The following MDFIC2 variants were observed in gnomAD, a reference collection of about 807,000 sequenced individuals.
MDFIC2 encodes myoD family inhibitor domain-containing protein 2.
intron 2 of MDFIC2, among the ~76,000 whole-genome samples, chr3:70,282,681 T>C (rs113699884): frequency 0.011 from 1,639 of 152,302 alleles, 20 homozygotes; most frequent in Non-Finnish European, 0.016. Flanking sequence ...TGCTGCCAAA[T>C]AAGAGAGGCC....
chr3:70,224,775 G>T (rs998834159), intron 2 of MDFIC2, among the ~76,000 whole-genome samples: 1 of 151,682 alleles, frequency 6.6e-6, no homozygotes, highest in Non-Finnish European at 1.5e-5. Context: ...CCAATTTTGC[G>T]CTCTATTAAA....
intron 2 of MDFIC2, among the ~76,000 whole-genome samples, chr3:70,303,206 C>T (rs1249589063): frequency 6.6e-6 from 1 of 152,038 alleles, no homozygotes; most frequent in Admixed American, 6.6e-5. Context: ...TATGTTGGGG[C>T]CACACAGCAT....
chr3:70,283,954 G>A (rs1702115093), intron 2 of MDFIC2: 1 of 152,022 alleles, frequency 6.6e-6, no homozygotes, highest in South Asian at 2.1e-4. Context: ...CTTTACTTCT[G>A]ATCCCTGATC....
chr3:70,301,160 A>T (rs1424380608), intron 2 of MDFIC2, among the ~76,000 whole-genome samples: 1 of 152,206 alleles, frequency 6.6e-6, no homozygotes, highest in Non-Finnish European at 1.5e-5. Flanking sequence ...GCTGTAAAAA[A>T]TTTAAGTTAA....
chr3:70,258,010 A>T (rs1183788970), intron 2 of MDFIC2, among the ~76,000 whole-genome samples: 1 of 152,212 alleles, frequency 6.6e-6, no homozygotes, highest in East Asian at 1.9e-4. Flanking sequence ...CAAAGATGTC[A>T]AGGTAATTAA....
chr3:70,205,300 A>G (rs1701279434), intron 3 of MDFIC2: 1 of 152,064 alleles, frequency 6.6e-6, no homozygotes, highest in Non-Finnish European at 1.5e-5. Context: ...TGTGCTCTCC[A>G]GCTTGCCATA....
At chr3:70,229,948 G>T (rs1054684805) in intron 2 of MDFIC2, among the ~76,000 whole-genome samples, 12 of 152,168 alleles carry the variant, frequency 7.9e-5, no homozygotes, top group Admixed American at 2.6e-4. Context: ...GAATTATAAT[G>T]ATACAAATAT....
rs1192911525 is a variant in MDFIC2, at chr3:70,276,914, A to AT, written c.88+34971dup. Among the ~76,000 whole-genome samples the AT allele has an allele frequency of 2.3e-4, 35 of 152,348 alleles. 1 individual carries two copies. The South Asian group carries it at 6.2e-3, about 27-fold the overall frequency. On this transcript the variant is annotated intron_variant, in intron 2 of 3. Transcript: ENST00000567252. ...CAGAAAGTTTATGTTCTCAACTGTA[A>AT]TCAGTGAGAAATCCTCACATTAATA...
At chr3:70,307,500 A>T (rs1308668920) in intron 2 of MDFIC2, among the ~76,000 whole-genome samples, 1 of 151,910 alleles carries the variant, frequency 6.6e-6, no homozygotes, top group Non-Finnish European at 1.5e-5. Flanking sequence ...TTCCACCTGT[A>T]ATTTCCCCCC....
chr3:70,214,988 T>C lies in MDFIC2; in HGVS notation c.89-8198A>G, dbSNP rs536042474. ...GCCAATCAGGCTATAAACTCATGCATGATTGGTATTACATATACAGTCAAT... is the reference window on the plus strand; with the variant it reads ...GCCAATCAGGCTATAAACTCATGCACGATTGGTATTACATATACAGTCAAT... On this transcript the variant is annotated intron_variant, in intron 2 of 3. Coordinates refer to ENST00000567252, the MANE Select transcript of MDFIC2 (RefSeq NM_001364677.1). Among the ~76,000 whole-genome samples the C allele has an allele frequency of 5.7e-4, 87 of 152,280 alleles. 1 individual carries two copies. In the Middle Eastern group the frequency reaches 0.01, roughly 18 times the overall value.
intron 2 of MDFIC2, among the ~76,000 whole-genome samples, chr3:70,295,860 A>G (rs1041020840): frequency 1.3e-5 from 2 of 152,170 alleles, no homozygotes; most frequent in African/African-American, 4.8e-5. Context: ...ATGTGGTTTA[A>G]TAGAAATGTG....
At chr3:70,210,312 A>T (rs939160546) in intron 2 of MDFIC2, among the ~76,000 whole-genome samples, 3 of 152,078 alleles carry the variant, frequency 2.0e-5, no homozygotes, top group African/African-American at 7.2e-5. Context: ...AAGTTATTTT[A>T]ATTCTATATC....
chr3:70,231,440 T>C (rs1701559399), intron 2 of MDFIC2, among the ~76,000 whole-genome samples: 1 of 152,212 alleles, frequency 6.6e-6, no homozygotes, highest in African/African-American at 2.4e-5. Flanking sequence ...CCTTCCTGAG[T>C]GAAAGCTCTA....
At chr3:70,209,882 C>T (rs1020527297) in intron 2 of MDFIC2, among the ~76,000 whole-genome samples, 1 of 152,062 alleles carries the variant, frequency 6.6e-6, no homozygotes, top group African/African-American at 2.4e-5. Flanking sequence ...TCTTTGCACA[C>T]TCAGGGAATC....
intron 2 of MDFIC2, among the ~76,000 whole-genome samples, chr3:70,226,383 A>G (rs968666005): frequency 3.9e-5 from 6 of 152,284 alleles, no homozygotes; most frequent in East Asian, 1.9e-4. Flanking sequence ...GGAATTTCCT[A>G]TTCTGTTGGG....
intron 2 of MDFIC2, among the ~76,000 whole-genome samples, chr3:70,293,044 G>GAA (rs1702253707): frequency 4.4e-5 from 1 of 22,862 alleles, no homozygotes; most frequent in Admixed American, 5.8e-4. Context: ...GTGGTTTGAA[G>GAA]CAAAAAAAAA....
chr3:70,195,599 T>C lies in MDFIC2; in HGVS notation c.*1327A>G, dbSNP rs957056315. 5.3e-5 allele frequency among the ~76,000 whole-genome samples: 8 copies of C among 152,220 alleles called. No homozygotes were observed. The highest frequency in any genetic ancestry group is 2.0e-4 in the Admixed American group (3 of 15,286). On this transcript the variant is annotated 3_prime_UTR_variant, in exon 4 of 4. Transcript: ENST00000567252. The stretch of plus-strand genomic sequence containing the variant: ...AAACAGGTATTTTGGAGCTTTCTTT[T>C]GTTGTTGCTGTTTCCCTAAATTACA...
intron 2 of MDFIC2, among the ~76,000 whole-genome samples, chr3:70,236,335 A>G (rs1434480716): frequency 6.6e-6 from 1 of 152,116 alleles, no homozygotes; most frequent in African/African-American, 2.4e-5. Context: ...CTTAATCCAT[A>G]TTGTTCACTC....
chr3:70,239,003 T>C (rs1346322811), intron 2 of MDFIC2, among the ~76,000 whole-genome samples: 1 of 152,232 alleles, frequency 6.6e-6, no homozygotes, highest in Non-Finnish European at 1.5e-5. Flanking sequence ...TGGAAATGTT[T>C]AATTTTGTGA....
Sources: allele counts gnomAD v4.1 joint callset (sites outside exome capture counted in the v4.1 genomes callset), GRCh38; gene constraint gnomAD v4.1.1; transcripts MANE v1.5; gene names NCBI Gene and HGNC (gene_info 2026-07-23, HGNC 2026-07-21).